The following SERBP1 variants were observed in gnomAD, a reference collection of about 807,000 sequenced individuals.
SERBP1 encodes SERPINE1 mRNA-binding protein 1.
In SERBP1, 6 loss-of-function variants were observed where a neutral mutation model predicts 50.2. The ratio of observed to expected loss-of-function variants is 0.12; its 90% CI spans 0.07 to 0.24. SERBP1 has a LOEUF of 0.24. SERBP1 is among the 10% of genes least tolerant of loss of function. The pLI, the probability that SERBP1 is intolerant of heterozygous loss-of-function variation, is 1.00. For missense variants in SERBP1, 346 were observed against 524.9 expected (o/e 0.66, Z 3.33); for synonymous variants, 168 against 182.8 (o/e 0.92, Z 0.65).
In SERBP1 at chr1:67,408,440, A is replaced by G. The variant is rs945248621; in HGVS notation, c.*4767T>C. Reference sequence around the variant, plus strand: ...TACTAACTCAAAAAAATAATTCGGTAAATCATTTTCTAACTTGTGTGGGTA... The same window carrying G: ...TACTAACTCAAAAAAATAATTCGGTGAATCATTTTCTAACTTGTGTGGGTA... On this transcript the variant is annotated 3_prime_UTR_variant, in exon 8 of 8. Transcript: ENST00000361219. 1 of 152,202 alleles carries G rather than the reference A, an allele frequency of 6.6e-6. No individual in the cohort carries two copies. Among genetic ancestry groups the G allele is most frequent in the Non-Finnish European group, 1.5e-5 (1 of 68,030 alleles). The allele number at this position is 152,202 out of a possible 1,614,324, so 9.4% of individuals were successfully genotyped here.
intron 1 of SERBP1, among the ~76,000 whole-genome samples, chr1:67,427,166 C>A (rs567755401): frequency 2.0e-5 from 3 of 152,144 alleles, no homozygotes; most frequent in Non-Finnish European, 4.4e-5. Flanking sequence ...AATACACACA[C>A]GTTAAGACCG....
At position 67,410,898 on chromosome 1, in the gene SERBP1, G is replaced by A. The variant is rs148417655; in HGVS notation, c.*2309C>T. On this transcript the variant is annotated 3_prime_UTR_variant, in exon 8 of 8. Transcript: ENST00000361219. The stretch of plus-strand genomic sequence containing the variant: ...ATTAAGATAAGTACCCTTCCCAAAT[G>A]TGATTCAACAGCCTGGTTTTTAGCA... 1.2e-3 allele frequency: 185 copies of A among 152,158 alleles called. 1 individual carries two copies. Among genetic ancestry groups the A allele is most frequent in the African/African-American group, 4.1e-3 (171 of 41,522 alleles). The allele number at this position is 152,158 out of a possible 1,614,324, so 9.4% of individuals were successfully genotyped here. A position where few individuals can be genotyped will look rare whatever the true frequency, so the allele number is the denominator to read the frequency against.
chr1:67,420,799 CACT>C (rs1185219621), intron 5 of SERBP1, among the ~76,000 whole-genome samples: 1 of 152,190 alleles, frequency 6.6e-6, no homozygotes, highest in African/African-American at 2.4e-5. Flanking sequence ...GCCATGGATT[CACT>C]ACTAATAGAA....
rs1297852123 is a variant in SERBP1 at position 67,413,206 on chromosome 1, G to A, written c.*1C>T. ...AACCAGGGTTGTCTTATGGCATCCA[G>A]TTAAGCCAGAGCTGGGAATGCCTCT... On this transcript the variant is annotated 3_prime_UTR_variant, in exon 8 of 8. Coordinates refer to ENST00000361219, the MANE Select transcript of SERBP1 (RefSeq NM_001018069.2). The A allele has an allele frequency of 6.3e-7, 1 of 1,599,976 alleles. No individual in the cohort carries two copies. The highest frequency in any genetic ancestry group is 2.3e-5 in the East Asian group (1 of 44,054).
intron 5 of SERBP1, among the ~76,000 whole-genome samples, chr1:67,422,377 G>A (rs1394659584): frequency 1.3e-5 from 2 of 151,988 alleles, no homozygotes; most frequent in African/African-American, 4.8e-5. Flanking sequence ...CGGGCGTGGT[G>A]GCACATGCCT....
In SERBP1 at chr1:67,412,688, T is replaced by C. The variant is rs1455354916; in HGVS notation, c.*519A>G. 1.3e-5 allele frequency: 2 copies of C among 152,706 alleles called. No individual in the cohort carries two copies. Among genetic ancestry groups the C allele is most frequent in the African/African-American group, 2.4e-5 (1 of 41,432 alleles). 9.5% of individuals were successfully genotyped at this position (152,706 alleles called of 1,614,324 possible). ...TATTAAAACTAAGTTAAAATACATA[T>C]AGTTAGTATTCCACACAGCATAAAA... On this transcript the variant is annotated 3_prime_UTR_variant, in exon 8 of 8. Transcript: ENST00000361219.
Position 67,420,136 on chromosome 1 carries a change from A to G in SERBP1, c.824T>C (p.Leu275Ser). Reference protein sequence around the residue: ...VKEEGPKEMTLDEWKAIQNKD... With the variant: ...VKEEGPKEMTSDEWKAIQNKD... ...ATTTTGAATAGCCTTCCACTCATCCAAAGTCATCTCTTTTGGACCCTCCTC... is the reference window on the plus strand; with the variant it reads ...ATTTTGAATAGCCTTCCACTCATCCGAAGTCATCTCTTTTGGACCCTCCTC... Residue 275 changes from leucine (L) to serine (S), a missense_variant, in exon 6 of 8, where the codon TTG (leucine) becomes TCG (serine). Physicochemically the swap from Leu to Ser is moderately radical, Grantham distance 145 (BLOSUM62 -2). Around this residue, in one of 5 missense-constraint regions of SERBP1, gnomAD observed 257 missense variants for 331.2 expected, o/e 0.78. Coordinates refer to ENST00000361219, the MANE Select transcript of SERBP1 (RefSeq NM_001018069.2). The G allele has an allele frequency of 6.2e-7, 1 of 1,613,768 alleles. No individual in the cohort carries two copies. Among genetic ancestry groups the G allele is most frequent in the Non-Finnish European group, 8.5e-7 (1 of 1,179,822 alleles).
rs1667529077 is a variant in SERBP1, at chr1:67,430,159, C to A, written c.142G>T (p.Gly48Cys). ...KKEAGGGGVG[G>C]PGAKSAAQAA... ...TGAGCTGCGCTCTTGGCCCCAGGGC[C>A]CCCAACGCCGCCCCCGCCGGCTTCT... The change falls in exon 1 of 8, where the codon GGC becomes TGC. Residue 48 changes from glycine (G) to cysteine (C), a missense_variant. Gly to Cys is a radical substitution (Grantham distance 159). Around this residue, in one of 5 missense-constraint regions of SERBP1, gnomAD observed 257 missense variants for 331.2 expected, o/e 0.78. Coordinates refer to ENST00000361219, the MANE Select transcript of SERBP1 (RefSeq NM_001018069.2). The A allele has an allele frequency of 6.2e-7, 1 of 1,610,864 alleles. No individual in the cohort carries two copies. Among genetic ancestry groups the A allele is most frequent in the Non-Finnish European group, 8.5e-7 (1 of 1,179,580 alleles).
rs1553132862 is a variant in SERBP1 at position 67,409,421 on chromosome 1, C to CACACACACACACACACACACACACACACA, written c.*3785_*3786insTGTGTGTGTGTGTGTGTGTGTGTGTGTGT. ...CACACACACACACACACACACACAC[C>CACACACACACACACACACACACACACACA]CCCACACACACCAGGTCACAGGCTG... On this transcript the variant is annotated 3_prime_UTR_variant, in exon 8 of 8. Coordinates refer to ENST00000361219, the MANE Select transcript of SERBP1 (RefSeq NM_001018069.2). 9.2e-6 allele frequency: 1 copy of CACACACACACACACACACACACACACACA among 108,948 alleles called. No individual in the cohort carries two copies. The allele number at this position is 108,948 out of a possible 1,614,324, so 6.7% of individuals were successfully genotyped here.
intron 5 of SERBP1, among the ~76,000 whole-genome samples, chr1:67,421,562 G>A (rs1331254086): frequency 6.6e-6 from 1 of 152,182 alleles, no homozygotes; most frequent in African/African-American, 2.4e-5. Flanking sequence ...TGGGCACTGA[G>A]CTAAGGATTT....
In SERBP1 at chr1:67,430,011, G is replaced by A. The variant is rs1016043282; in HGVS notation, c.290C>T (p.Pro97Leu). 1.9e-6 allele frequency: 3 copies of A among 1,610,826 alleles called. No homozygotes were observed. The highest frequency in any genetic ancestry group is 1.7e-4 in the Middle Eastern group (1 of 6,034). The change falls in exon 1 of 8, where the codon CCG becomes CTG. Residue 97 changes from proline (P) to leucine (L), a missense_variant. This residue lies in a region of SERBP1 where 257 missense variants were observed against 331.2 expected (regional missense o/e 0.78). Transcript: ENST00000361219. ...GVVDKKEETQ[P>L]PVALKKEGIR... is the part of the protein sequence containing the mutation. ...ACCTTCTTTCTTAAGCGCCACGGGC[G>A]GCTGCGTCTCCTCTTTCTTGTCAAC...
intron 5 of SERBP1, among the ~76,000 whole-genome samples, chr1:67,423,274 G>C (rs1261293929): frequency 7.4e-5 from 11 of 148,732 alleles, no homozygotes; most frequent in African/African-American, 2.7e-4. Flanking sequence ...TCCAGCCTAA[G>C]CAACAAGAGT....
In SERBP1 at chr1:67,408,966, A is replaced by G. The variant is rs1666725840; in HGVS notation, c.*4241T>C. ...AATTTGTACCTAGAACTAAACTTTT[A>G]TTTTTCAGACAGTGTGTCACCCAGA... On this transcript the variant is annotated 3_prime_UTR_variant, in exon 8 of 8. Coordinates refer to ENST00000361219, the MANE Select transcript of SERBP1 (RefSeq NM_001018069.2). The G allele has an allele frequency of 6.6e-6, 1 of 151,860 alleles. No individual in the cohort carries two copies. Among genetic ancestry groups the G allele is most frequent in the Non-Finnish European group, 1.5e-5 (1 of 67,958 alleles). The allele number at this position is 151,860 out of a possible 1,614,324, so 9.4% of individuals were successfully genotyped here.
intron 6 of SERBP1, 30 bp from the exon 7 acceptor site, chr1:67,415,369 A>AT: frequency 6.6e-7 from 1 of 1,510,974 alleles, no homozygotes; most frequent in Non-Finnish European, 8.9e-7. Flanking sequence ...TGATTGTGTT[A>AT]TTAGTAGAAA....
intron 6 of SERBP1, among the ~76,000 whole-genome samples, chr1:67,415,785 CAG>C (rs1557501033): frequency 1.3e-5 from 2 of 152,214 alleles, no homozygotes; most frequent in African/African-American, 4.8e-5. Context: ...AAAGAACACT[CAG>C]AAAGAAAAAC....
chr1:67,410,048 T>C lies in SERBP1; in HGVS notation c.*3159A>G, dbSNP rs929935783. 1.3e-5 allele frequency: 2 copies of C among 152,190 alleles called. No homozygotes were observed. Among genetic ancestry groups the C allele is most frequent in the Non-Finnish European group, 2.9e-5 (2 of 68,030 alleles). 9.4% of individuals were successfully genotyped at this position (152,190 alleles called of 1,614,324 possible). On this transcript the variant is annotated 3_prime_UTR_variant, in exon 8 of 8. Transcript: ENST00000361219. ...TAAGTGTTTACTTTAGAAAGTAAAA[T>C]TGCATGCACCTGAGATCCCTGGAAT...
chr1:67,422,833 T>G (rs1472825572), intron 5 of SERBP1, among the ~76,000 whole-genome samples: 1 of 151,680 alleles, frequency 6.6e-6, no homozygotes, highest in African/African-American at 2.4e-5. Flanking sequence ...TGGTGATGCA[T>G]GCCTGTAATC....
intron 6 of SERBP1, 142 bp from the exon 7 acceptor site, chr1:67,415,481 A>T: frequency 2.7e-6 from 2 of 746,918 alleles, no homozygotes; most frequent in Non-Finnish European, 4.1e-6. Flanking sequence ...CTCCACAGGT[A>T]ACAAGCTAGG....
In SERBP1 at chr1:67,408,974, GAC is replaced by G. The variant is rs763339968; in HGVS notation, c.*4231_*4232del. 2 of 151,990 alleles carry G rather than the reference GAC, an allele frequency of 1.3e-5. No individual in the cohort carries two copies. The highest frequency in any genetic ancestry group is 2.4e-5 in the African/African-American group (1 of 41,398). The allele number at this position is 151,990 out of a possible 1,614,324, so 9.4% of individuals were successfully genotyped here. Reference sequence around the variant, plus strand: ...CCTAGAACTAAACTTTTATTTTTCAGACAGTGTGTCACCCAGACTGGAGTACA... The same window carrying G: ...CCTAGAACTAAACTTTTATTTTTCAGAGTGTGTCACCCAGACTGGAGTACA... On this transcript the variant is annotated 3_prime_UTR_variant, in exon 8 of 8. Coordinates refer to ENST00000361219, the MANE Select transcript of SERBP1 (RefSeq NM_001018069.2).
Sources: gnomAD v4.1 joint callset for allele counts (sites outside exome capture counted in the v4.1 genomes callset) on GRCh38, gnomAD v4.1.1 for gene constraint, gnomAD v4.1.1 regional missense constraint, MANE v1.5 for transcripts, NCBI Gene and HGNC (gene_info 2026-07-23, HGNC 2026-07-21) for gene names.